Variants in DCC observed in about 807,000 individuals in gnomAD.
DCC encodes DCC netrin 1 receptor, also known as netrin receptor DCC.
Under a neutral mutation model 172.5 loss-of-function variants are expected in DCC, and 58 were observed. The ratio of observed to expected loss-of-function variants is 0.34; its 90% CI spans 0.27 to 0.42. DCC has a LOEUF of 0.42. Ranked by LOEUF, DCC falls within the 10% of genes least tolerant of loss-of-function variation. The pLI, the probability that DCC is intolerant of heterozygous loss-of-function variation, is 1.00. For missense variants in DCC, 1,740 were observed against 1,791.0 expected (o/e 0.97, Z 0.51); for synonymous variants, 709 against 644.5 (o/e 1.10, Z -1.52).
At chr18:53,232,935 T>TG (rs1162589559) in intron 12 of DCC, among the ~76,000 whole-genome samples, 3 of 128,062 alleles carry the variant, frequency 2.3e-5, no homozygotes, top group African/African-American at 7.8e-5. Context: ...TGCTCCTTTC[T>TG]TTTTTTTTTT....
At chr18:52,696,986 G>A (rs1446702394) in intron 1 of DCC, among the ~76,000 whole-genome samples, 1 of 152,172 alleles carries the variant, frequency 6.6e-6, no homozygotes, top group Non-Finnish European at 1.5e-5. Context: ...TACCCCACAG[G>A]GATAGGAGAT....
rs147782755 is a variant in DCC at position 52,883,906 on chromosome 18, C to G, written c.413-22138C>G. Among the ~76,000 whole-genome samples, 523 of 151,110 alleles carry G rather than the reference C, an allele frequency of 3.5e-3. 2 individuals carry two copies. The highest frequency in any genetic ancestry group is 5.8e-3 in the Non-Finnish European group (391 of 67,764). On this transcript the variant is annotated intron_variant, in intron 2 of 28. Transcript: ENST00000442544. ...ACATATCTGGTGTTGATGAAATCCC[C>G]TAAGTTTTGTGTATCTAGGATGGGC...
intron 1 of DCC, among the ~76,000 whole-genome samples, chr18:52,444,714 T>A (rs540000775): frequency 2.0e-5 from 3 of 152,202 alleles, no homozygotes; most frequent in East Asian, 3.9e-4. Flanking sequence ...GAAATCTAAT[T>A]TTTTTTTCTT....
intron 12 of DCC, among the ~76,000 whole-genome samples, chr18:53,258,060 C>T (rs900557583): frequency 6.6e-6 from 1 of 151,810 alleles, no homozygotes; most frequent in African/African-American, 2.4e-5. Flanking sequence ...TGGTGATATC[C>T]CTTTTATCAT....
At chr18:53,493,522 T>C (rs1568166747) in intron 26 of DCC, among the ~76,000 whole-genome samples, 1 of 152,184 alleles carries the variant, frequency 6.6e-6, no homozygotes. Flanking sequence ...CAGGAATTTA[T>C]CCATTTCTCT....
At chr18:52,804,589 A>G (rs2038053593) in intron 2 of DCC, among the ~76,000 whole-genome samples, 1 of 152,158 alleles carries the variant, frequency 6.6e-6, no homozygotes, top group African/African-American at 2.4e-5. Flanking sequence ...TGTTTTTGAG[A>G]CGGAGTCTTG....
chr18:52,410,102 C>A (rs16954890), intron 1 of DCC, among the ~76,000 whole-genome samples: 5,290 of 152,210 alleles, frequency 0.035, 164 homozygotes, highest in African/African-American at 0.078. Flanking sequence ...ACAATGAGTT[C>A]TTCCAAAATC....
chr18:52,418,858 C>CTTTT (rs11313758), intron 1 of DCC, among the ~76,000 whole-genome samples: 67 of 92,958 alleles, frequency 7.2e-4, no homozygotes, highest in Middle Eastern at 6.3e-3. Flanking sequence ...TTCTTTCTTT[C>CTTTT]TTTTTTTTTT....
At position 52,471,747 on chromosome 18, in the gene DCC, A is replaced by T. The variant is rs984472963; in HGVS notation, c.91+130869A>T. Among the ~76,000 whole-genome samples the T allele has an allele frequency of 3.3e-5, 5 of 152,222 alleles. No homozygotes were observed. The East Asian group carries it at 9.6e-4, about 29-fold the overall frequency. On this transcript the variant is annotated intron_variant, in intron 1 of 28. Coordinates refer to ENST00000442544, the MANE Select transcript of DCC (RefSeq NM_005215.4). ...TACTTCTAAGTCCTGCAATCAGATA[A>T]GCCTTACAGAGGCTTTTAAAATCAT...
chr18:52,802,850 T>A (rs2038018883), intron 2 of DCC, among the ~76,000 whole-genome samples: 1 of 151,574 alleles, frequency 6.6e-6, no homozygotes, highest in African/African-American at 2.4e-5. Flanking sequence ...ACCAGAAACC[T>A]TGCTAATAAC....
chr18:52,671,314 T>A (rs1250254558), intron 1 of DCC, among the ~76,000 whole-genome samples: 1 of 152,170 alleles, frequency 6.6e-6, no homozygotes, highest in Non-Finnish European at 1.5e-5. Context: ...TGACTGATTC[T>A]AAAAGTGACA....
intron 11 of DCC, among the ~76,000 whole-genome samples, chr18:53,215,285 C>A (rs188503692): frequency 6.6e-6 from 1 of 152,078 alleles, no homozygotes; most frequent in East Asian, 1.9e-4. Context: ...TGTTTGGTAT[C>A]ACTGCCCGCG....
chr18:52,664,712 C>A (rs1415410366), intron 1 of DCC, among the ~76,000 whole-genome samples: 3 of 151,940 alleles, frequency 2.0e-5, no homozygotes, highest in Non-Finnish European at 4.4e-5. Context: ...ACCTCGTGAT[C>A]CGCCCGCCTC....
intron 6 of DCC, among the ~76,000 whole-genome samples, chr18:53,065,781 A>G (rs893699319): frequency 5.3e-5 from 8 of 152,072 alleles, no homozygotes; most frequent in African/African-American, 1.7e-4. Context: ...TCATTTAGGT[A>G]TTGAGGATGG....
intron 1 of DCC, among the ~76,000 whole-genome samples, chr18:52,404,596 G>A (rs1163011436): frequency 6.6e-6 from 1 of 150,770 alleles, no homozygotes; most frequent in African/African-American, 2.5e-5. Context: ...CCCTATATTG[G>A]TAAAAATGGG....
At chr18:52,631,510 A>G (rs2034675149) in intron 1 of DCC, among the ~76,000 whole-genome samples, 2 of 152,208 alleles carry the variant, frequency 1.3e-5, no homozygotes, top group Admixed American at 1.3e-4. Context: ...GCTAATTTAA[A>G]GAATCTTAAC....
At chr18:52,943,644 ATTTAT>A (rs2040497137) in intron 5 of DCC, among the ~76,000 whole-genome samples, 1 of 152,198 alleles carries the variant, frequency 6.6e-6, no homozygotes, top group Non-Finnish European at 1.5e-5. Flanking sequence ...AATGTTTCAC[ATTTAT>A]TTTTATTTTC....
At chr18:53,218,813 A>G (rs2055890160) in intron 12 of DCC, among the ~76,000 whole-genome samples, 5 of 152,192 alleles carry the variant, frequency 3.3e-5, no homozygotes, top group Admixed American at 3.3e-4. Context: ...AAATTCAATT[A>G]TTATTCAATT....
intron 1 of DCC, among the ~76,000 whole-genome samples, chr18:52,396,903 T>C (rs147416358): frequency 3.9e-5 from 6 of 152,040 alleles, no homozygotes; most frequent in African/African-American, 4.8e-5. Context: ...AGAGGGCATA[T>C]GTTTTCTTAA....
Sources: gnomAD v4.1 joint callset for allele counts (sites outside exome capture counted in the v4.1 genomes callset) on GRCh38, gnomAD v4.1.1 for gene constraint, MANE v1.5 for transcripts, NCBI Gene and HGNC (gene_info 2026-07-23, HGNC 2026-07-21) for gene names.